The following HS3ST5 variants were observed in gnomAD, a reference collection of about 807,000 sequenced individuals.
HS3ST5 encodes the protein heparan sulfate glucosamine 3-O-sulfotransferase 5.
HS3ST5 carries 10 observed loss-of-function variants against 25.4 expected under a neutral mutation model. That is an observed-to-expected ratio of 0.39 (90% CI 0.24 to 0.67). The LOEUF (loss-of-function observed/expected upper bound fraction) is 0.67. Among genes scored for constraint, HS3ST5 ranks in the 30% least tolerant of loss-of-function variants. HS3ST5 has a pLI of 0.44. For missense variants in HS3ST5, 324 were observed against 420.7 expected (o/e 0.77, Z 2.01); for synonymous variants, 170 against 162.4 (o/e 1.05, Z -0.36).
intron 3 of HS3ST5, among the ~76,000 whole-genome samples, chr6:114,115,130 C>T (rs1776456052): frequency 6.6e-6 from 1 of 151,956 alleles, no homozygotes. Context: ...TTTATGCCAT[C>T]CCATATATTT....
At chr6:114,163,340 G>A (rs916004509) in intron 3 of HS3ST5, among the ~76,000 whole-genome samples, 18 of 152,076 alleles carry the variant, frequency 1.2e-4, no homozygotes, top group African/African-American at 4.1e-4. Context: ...CTATCTGAAA[G>A]TTCCTGAATA....
At chr6:114,085,934 G>GCC (rs377436068) in intron 3 of HS3ST5, among the ~76,000 whole-genome samples, 20,524 of 98,286 alleles carry the variant, frequency 0.21, 2,448 homozygotes, top group East Asian at 0.33. Flanking sequence ...TAAATTCATT[G>GCC]CCCCCCCCCC....
At chr6:114,284,942 A>G (rs1192903235) in intron 1 of HS3ST5, among the ~76,000 whole-genome samples, 1 of 152,076 alleles carries the variant, frequency 6.6e-6, no homozygotes. Context: ...ATTTGTCTAT[A>G]TAATATGACC....
At chr6:114,084,092 T>G (rs1269651300) in intron 3 of HS3ST5, 1 of 582,048 alleles carries the variant, frequency 1.7e-6, no homozygotes, top group Non-Finnish European at 3.0e-6. Context: ...TTTCTTTTTT[T>G]TTTTTTTTTA....
At chr6:114,181,782 A>C (rs761223264) in intron 2 of HS3ST5, among the ~76,000 whole-genome samples, 1 of 152,194 alleles carries the variant, frequency 6.6e-6, no homozygotes, top group Admixed American at 6.5e-5. Context: ...CTGCAGCAGT[A>C]TGAACCTTTT....
chr6:114,249,201 C>T (rs1302324405), intron 1 of HS3ST5, among the ~76,000 whole-genome samples: 1 of 152,210 alleles, frequency 6.6e-6, no homozygotes, highest in African/African-American at 2.4e-5. Context: ...AAATTCATGG[C>T]CTGTCCATGT....
At chr6:114,206,572 A>G (rs1235340269) in intron 2 of HS3ST5, among the ~76,000 whole-genome samples, 1 of 152,198 alleles carries the variant, frequency 6.6e-6, no homozygotes, top group African/African-American at 2.4e-5. Context: ...AGCAAGTCAC[A>G]TAACACTCTA....
chr6:114,237,779 AG>A (rs1435905074), intron 1 of HS3ST5, among the ~76,000 whole-genome samples: 1 of 152,240 alleles, frequency 6.6e-6, no homozygotes, highest in Non-Finnish European at 1.5e-5. Flanking sequence ...AGAATCTAAT[AG>A]TAGTTTTCTA....
intron 1 of HS3ST5, among the ~76,000 whole-genome samples, chr6:114,247,760 T>C (rs1772447280): frequency 6.6e-6 from 1 of 151,390 alleles, no homozygotes; most frequent in Non-Finnish European, 1.5e-5. Flanking sequence ...TTAATATCCA[T>C]ATTTTTTCTG....
intron 1 of HS3ST5, among the ~76,000 whole-genome samples, chr6:114,334,781 T>C (rs550012145): frequency 2.0e-5 from 3 of 152,352 alleles, no homozygotes; most frequent in African/African-American, 4.8e-5. Flanking sequence ...TATCCCAGAA[T>C]GTATCTCCAT....
intron 1 of HS3ST5, among the ~76,000 whole-genome samples, chr6:114,291,891 A>G (rs545586125): frequency 6.6e-6 from 1 of 152,334 alleles, no homozygotes; most frequent in South Asian, 2.1e-4. Context: ...CGGACATTAT[A>G]GAGTTACTCT....
intron 3 of HS3ST5, among the ~76,000 whole-genome samples, chr6:114,089,177 G>C (rs952796499): frequency 3.3e-5 from 5 of 152,232 alleles, no homozygotes; most frequent in Admixed American, 1.3e-4. Context: ...ACCATGTAGA[G>C]AGGGGAAGGA....
intron 2 of HS3ST5, among the ~76,000 whole-genome samples, chr6:114,204,873 T>A (rs1423276873): frequency 1.3e-5 from 2 of 152,172 alleles, no homozygotes; most frequent in Non-Finnish European, 2.9e-5. Flanking sequence ...AGAATACTAT[T>A]GGCACAAATA....
At chr6:114,261,914 G>C (rs1773190844) in intron 1 of HS3ST5, among the ~76,000 whole-genome samples, 1 of 152,154 alleles carries the variant, frequency 6.6e-6, no homozygotes, top group Non-Finnish European at 1.5e-5. Context: ...GACAGTCTGT[G>C]TCCTCGTGGA....
chr6:114,076,473 A>G (rs1332772421), intron 3 of HS3ST5, among the ~76,000 whole-genome samples: 1 of 152,168 alleles, frequency 6.6e-6, no homozygotes, highest in Non-Finnish European at 1.5e-5. Context: ...AATAGTCCTG[A>G]CCTCTTTAAA....
At chr6:114,136,547 C>A (rs1477451916) in intron 3 of HS3ST5, among the ~76,000 whole-genome samples, 1 of 152,164 alleles carries the variant, frequency 6.6e-6, no homozygotes, top group African/African-American at 2.4e-5. Flanking sequence ...CTCATAGCAC[C>A]TTAGAAGTTA....
intron 3 of HS3ST5, among the ~76,000 whole-genome samples, chr6:114,096,337 T>C (rs1034060796): frequency 2.6e-5 from 4 of 152,168 alleles, no homozygotes; most frequent in Non-Finnish European, 5.9e-5. Context: ...TCCGGCTACA[T>C]GAAAGTATAA....
At position 114,099,585 on chromosome 6, in the gene HS3ST5, T is replaced by G. The variant is rs138534221; in HGVS notation, c.-32-36708A>C. Among the ~76,000 whole-genome samples, 508 of 152,270 alleles carry G rather than the reference T, an allele frequency of 3.3e-3. 3 individuals carry two copies. The highest frequency in any genetic ancestry group is 0.012 in the African/African-American group (479 of 41,544). The stretch of plus-strand genomic sequence containing the variant: ...GAAGTTTTCATCATGTGTCTGTACC[T>G]AAGGCCAATAAATCAAACTAAGTGG... On this transcript the variant is annotated intron_variant, in intron 3 of 4. Transcript: ENST00000312719.
chr6:114,128,476 G>A (rs949960017), intron 3 of HS3ST5, among the ~76,000 whole-genome samples: 2 of 152,078 alleles, frequency 1.3e-5, no homozygotes, highest in East Asian at 1.9e-4. Context: ...GGGGATATAC[G>A]CAGGGATGAG....
Sources: gnomAD v4.1 joint callset for allele counts (sites outside exome capture counted in the v4.1 genomes callset) on GRCh38, gnomAD v4.1.1 for gene constraint, MANE v1.5 for transcripts, NCBI Gene and HGNC (gene_info 2026-07-23, HGNC 2026-07-21) for gene names.